The following CHD9 variants were observed in gnomAD, a reference collection of about 807,000 sequenced individuals.
The protein encoded by CHD9 is ATP-dependent chromatin remodeler CHD9.
A neutral mutation model predicts 316.1 loss-of-function variants in CHD9; 77 were observed. The observed-to-expected ratio is 0.24, with a 90% CI of 0.20 to 0.29. The LOEUF is 0.29. Ranked by LOEUF, CHD9 falls within the 10% of genes least tolerant of loss-of-function variation. CHD9 has a pLI of 1.00. For synonymous variants in CHD9, 1,129 were observed against 1,158.3 expected, an observed-to-expected ratio of 0.97 and a Z score of 0.51; for missense variants, 2,763 against 3,438.1, an observed-to-expected ratio of 0.80 and a Z score of 4.91.
chr16:53,164,742 C>T (rs1250692410), intron 2 of CHD9, among the ~76,000 whole-genome samples: 1 of 151,988 alleles, frequency 6.6e-6, no homozygotes, highest in African/African-American at 2.4e-5. Context: ...CAACCTCCAC[C>T]TCCTGGGTTC....
intron 1 of CHD9, among the ~76,000 whole-genome samples, chr16:53,113,657 C>T (rs1053983778): frequency 6.6e-6 from 1 of 151,862 alleles, no homozygotes; most frequent in Non-Finnish European, 1.5e-5. Context: ...TTCCAGTTGA[C>T]TTCCAGGATG....
rs548169284 is a variant in CHD9 at position 53,171,368 on chromosome 16, G to A, written c.1452+13827G>A. 4.6e-5 allele frequency among the ~76,000 whole-genome samples: 7 copies of A among 152,168 alleles called. No individual in the cohort carries two copies. The East Asian group carries it at 5.8e-4, about 13-fold the overall frequency. ...TGGGAGGCAGAGCTTGCAGTGATCC[G>A]AGATCACGCCACTGCACTCCAGCCT... On this transcript the variant is annotated intron_variant, in intron 2 of 38. Transcript: ENST00000447540.
intron 2 of CHD9, among the ~76,000 whole-genome samples, chr16:53,162,780 A>C (rs1166917134): frequency 2.0e-5 from 3 of 148,924 alleles, no homozygotes; most frequent in African/African-American, 7.5e-5. Context: ...AGCACATATA[A>C]GCCTTTTTTT....
intron 1 of CHD9, among the ~76,000 whole-genome samples, chr16:53,077,084 T>C (rs1163910723): frequency 6.7e-6 from 1 of 150,110 alleles, no homozygotes; most frequent in African/African-American, 2.5e-5. Context: ...GCCTCCTGGG[T>C]TCAAGCAATT....
intron 1 of CHD9, among the ~76,000 whole-genome samples, chr16:53,126,157 C>T (rs569431623): frequency 3.2e-4 from 48 of 152,158 alleles, no homozygotes; most frequent in Admixed American, 1.1e-3. Context: ...TCTATTTTTC[C>T]TCTTAGAGTT....
At chr16:53,238,723 A>G in intron 12 of CHD9, 137 bp downstream of exon 12, 1 of 911,630 alleles carries the variant, frequency 1.1e-6, no homozygotes, top group South Asian at 1.7e-5. Context: ...TTTATTCATC[A>G]TTTTTATTTT....
chr16:53,171,067 T>C (rs1424097861), intron 2 of CHD9, among the ~76,000 whole-genome samples: 1 of 152,168 alleles, frequency 6.6e-6, no homozygotes, highest in African/African-American at 2.4e-5. Context: ...ATATCAGTTA[T>C]GCTTTTGTGT....
At position 53,210,876 on chromosome 16, in the gene CHD9, G is replaced by T. The variant is rs1049508669; in HGVS notation, c.1784+1063G>T. The stretch of plus-strand genomic sequence containing the variant: ...ACGATTAAATAATATGGGCTCTCTT[G>T]TTATAATAGATTAATAATCATATTG... On this transcript the variant is annotated intron_variant, in intron 3 of 38. Coordinates refer to ENST00000447540, the MANE Select transcript of CHD9 (RefSeq NM_001308319.2). Among the ~76,000 whole-genome samples, 8 of 152,084 alleles carry T rather than the reference G, an allele frequency of 5.3e-5. No homozygotes were observed. The South Asian group carries it at 1.5e-3, about 28-fold the overall frequency.
intron 37 of CHD9, chr16:53,319,850 C>T (rs1453537856): frequency 1.6e-6 from 2 of 1,254,374 alleles, no homozygotes; most frequent in Non-Finnish European, 2.1e-6. Context: ...AAAGAATCTA[C>T]CTGCTAAATC....
chr16:53,173,575 C>T (rs113827218), intron 2 of CHD9, among the ~76,000 whole-genome samples: 4,932 of 151,830 alleles, frequency 0.032, 101 homozygotes, highest in Middle Eastern at 0.071. Flanking sequence ...GACGGAGTCT[C>T]GCTCTGTTGC....
At chr16:53,100,806 A>T (rs770921772) in intron 1 of CHD9, among the ~76,000 whole-genome samples, 1 of 152,188 alleles carries the variant, frequency 6.6e-6, no homozygotes, top group Admixed American at 6.5e-5. Flanking sequence ...AAGCTCTATG[A>T]CATTGGCAAG....
In CHD9 at chr16:53,304,217, A is replaced by G; in HGVS notation, c.6211A>G (p.Thr2071Ala). ...EESMSSVETR[T>A]LIKSEPVSPK... Reference sequence around the variant, plus strand: ...ATCTATGTCTTCTGTGGAAACCAGGACACTAATAAAATCTGAGCCTGTAAG... The same window carrying G: ...ATCTATGTCTTCTGTGGAAACCAGGGCACTAATAAAATCTGAGCCTGTAAG... Residue 2071 changes from threonine (T) to alanine (A), a missense_variant, in exon 31 of 39, where the codon ACA (threonine) becomes GCA (alanine). Physicochemically the swap from Thr to Ala is moderately conservative, Grantham distance 58 (BLOSUM62 0). Around this residue, in one of 15 missense-constraint regions of CHD9, gnomAD observed 663 missense variants for 751.2 expected, o/e 0.88. Coordinates refer to ENST00000447540, the MANE Select transcript of CHD9 (RefSeq NM_001308319.2). 2.5e-6 allele frequency: 4 copies of G among 1,611,284 alleles called. No individual in the cohort carries two copies. Among genetic ancestry groups the G allele is most frequent in the South Asian group, 2.2e-5 (2 of 90,772 alleles).
intron 37 of CHD9, 93 bp downstream of exon 37, chr16:53,318,433 C>A: frequency 2.1e-6 from 2 of 966,740 alleles, no homozygotes; most frequent in Non-Finnish European, 2.9e-6. Context: ...TGTTTTCTAA[C>A]AGACCTGGAA....
intron 1 of CHD9, among the ~76,000 whole-genome samples, chr16:53,115,909 G>A (rs1286372968): frequency 6.6e-6 from 1 of 152,176 alleles, no homozygotes; most frequent in African/African-American, 2.4e-5. Context: ...AGGAGCAGCT[G>A]TACCTAGAGC....
At chr16:53,208,197 T>C in intron 2 of CHD9, 2 of 1,148,836 alleles carry the variant, frequency 1.7e-6, no homozygotes, top group Non-Finnish European at 2.2e-6. Flanking sequence ...TGGAGGGTTG[T>C]GCATCTCTTG....
intron 2 of CHD9, among the ~76,000 whole-genome samples, chr16:53,174,926 TAA>T (rs1449059810): frequency 6.6e-6 from 1 of 152,220 alleles, no homozygotes; most frequent in African/African-American, 2.4e-5. Flanking sequence ...TAAATATTCT[TAA>T]GTTTTGTTCT....
intron 1 of CHD9, among the ~76,000 whole-genome samples, chr16:53,087,947 CAAA>C (rs61112383): frequency 8.1e-6 from 1 of 122,722 alleles, no homozygotes. Flanking sequence ...GAGTCTGTCT[CAAA>C]AAAAAAAAAA....
At position 53,231,728 on chromosome 16, in the gene CHD9, G is replaced by T; in HGVS notation, c.2455G>T (p.Ala819Ser). 6.2e-7 allele frequency: 1 copy of T among 1,612,376 alleles called. No homozygotes were observed. Among genetic ancestry groups the T allele is most frequent in the Non-Finnish European group, 8.5e-7 (1 of 1,179,014 alleles). The change falls in exon 10 of 39, where the codon GCA becomes TCA. Residue 819 changes from alanine (A) to serine (S), a missense_variant. Ala to Ser is a moderately conservative substitution (Grantham distance 99, BLOSUM62 1). Around this residue, in one of 15 missense-constraint regions of CHD9, gnomAD observed 186 missense variants for 245.0 expected, o/e 0.76. Transcript: ENST00000447540. ...GGAACTAAAAGAAGATGTAGATCTT[G>T]CAAAAATAGAAGAGTTTGAACAACT... ...TWELKEDVDL[A>S]KIEEFEQLQA...
At chr16:53,140,491 A>G (rs776123121) in intron 1 of CHD9, among the ~76,000 whole-genome samples, 11 of 152,282 alleles carry the variant, frequency 7.2e-5, no homozygotes, top group Middle Eastern at 3.4e-3. Flanking sequence ...CAGTTAAACA[A>G]CTAGACCTGA....
Sources: gnomAD v4.1 joint callset for allele counts (sites outside exome capture counted in the v4.1 genomes callset) on GRCh38, gnomAD v4.1.1 for gene constraint, gnomAD v4.1.1 regional missense constraint, MANE v1.5 for transcripts, NCBI Gene and HGNC (gene_info 2026-07-23, HGNC 2026-07-21) for gene names.